RHOU: variants seen among roughly 807,000 people sequenced by gnomAD.
The protein encoded by RHOU is ras homolog family member U.
RHOU carries 8 observed loss-of-function variants against 12.6 expected under a neutral mutation model. The ratio of observed to expected loss-of-function variants is 0.64; its 90% CI spans 0.37 to 1.15. The LOEUF (loss-of-function observed/expected upper bound fraction) is 1.15, where lower values mean the gene tolerates loss of function less well. RHOU is among the 50% of genes most tolerant of loss of function. RHOU has a pLI of 0.01. For synonymous variants in RHOU, 161 were observed against 147.4 expected (o/e 1.09, Z -0.67); for missense variants, 258 against 347.0 (o/e 0.74, Z 2.04).
the RHOU span, among the ~76,000 whole-genome samples, chr1:228,654,727 G>A: frequency 6.6e-6 from 1 of 152,186 alleles, no homozygotes; most frequent in Non-Finnish European, 1.5e-5. Context: ...AGTGCACCTA[G>A]TGGGTAACTT....
At chr1:228,733,732 A>C (rs1662539827), upstream of RHOU, among the ~76,000 whole-genome samples, 1 of 152,228 alleles carries the variant, frequency 6.6e-6, no homozygotes, top group Non-Finnish European at 1.5e-5. Context: ...TAAGGGCACC[A>C]ATGTGACTCT....
the RHOU span, among the ~76,000 whole-genome samples, chr1:228,707,252 TA>T: frequency 3.4e-4 from 26 of 77,138 alleles, 1 homozygote; most frequent in East Asian, 2.9e-3. Flanking sequence ...TATATATATA[TA>T]TAGTGTGTGT....
chr1:228,725,910 C>A, the RHOU span, among the ~76,000 whole-genome samples: 1 of 152,256 alleles, frequency 6.6e-6, no homozygotes, highest in Non-Finnish European at 1.5e-5. Context: ...CAGGCACATG[C>A]ATAAAAATGA....
intron 2 of RHOU, among the ~76,000 whole-genome samples, chr1:228,740,075 A>AG (rs1662690814): frequency 6.6e-6 from 1 of 152,268 alleles, no homozygotes; most frequent in African/African-American, 2.4e-5. Flanking sequence ...GAGTTTTGAA[A>AG]GACAAATAGG....
chr1:228,699,630 A>G, the RHOU span, among the ~76,000 whole-genome samples: 142 of 148,200 alleles, frequency 9.6e-4, no homozygotes, highest in Middle Eastern at 0.01. Context: ...AAAACCTTTG[A>G]TCAAGGCAAT....
chr1:228,726,003 T>A, the RHOU span, among the ~76,000 whole-genome samples: 44 of 152,340 alleles, frequency 2.9e-4, no homozygotes, highest in African/African-American at 9.4e-4. Context: ...TTAATAAATA[T>A]AAATAATAGC....
the RHOU span, among the ~76,000 whole-genome samples, chr1:228,662,572 A>G: frequency 2.0e-5 from 3 of 151,980 alleles, no homozygotes; most frequent in African/African-American, 4.8e-5. Context: ...TGAGCAAACT[A>G]TCACGAGGAC....
chr1:228,647,609 T>A, the RHOU span, among the ~76,000 whole-genome samples: 1 of 152,142 alleles, frequency 6.6e-6, no homozygotes, highest in Non-Finnish European at 1.5e-5. Flanking sequence ...CTGCGCCGGA[T>A]GAGTGAATTG....
upstream of RHOU, among the ~76,000 whole-genome samples, chr1:228,733,903 A>G (rs1294911709): frequency 1.3e-5 from 2 of 152,168 alleles, no homozygotes; most frequent in Non-Finnish European, 2.9e-5. Flanking sequence ...AAAACTTAAC[A>G]TTGGCACTTG....
the RHOU span, among the ~76,000 whole-genome samples, chr1:228,707,233 ATG>A: frequency 2.2e-3 from 90 of 41,432 alleles, no homozygotes; most frequent in Non-Finnish European, 2.7e-3. Context: ...ATATATACAT[ATG>A]TATATATATA....
chr1:228,676,131 G>GCCC, the RHOU span, among the ~76,000 whole-genome samples: 84 of 146,406 alleles, frequency 5.7e-4, no homozygotes, highest in African/African-American at 1.6e-3. Context: ...TGCTGTAACC[G>GCCC]CCCCCCCCCT....
At chr1:228,648,583 AC>A in the RHOU span, among the ~76,000 whole-genome samples, 1 of 152,080 alleles carries the variant, frequency 6.6e-6, no homozygotes, top group Non-Finnish European at 1.5e-5. Flanking sequence ...TAAAATTTCA[AC>A]CATGTTCTGA....
the RHOU span, among the ~76,000 whole-genome samples, chr1:228,663,625 CTTTTTTTT>C: frequency 1.0e-4 from 6 of 58,766 alleles, no homozygotes; most frequent in South Asian, 6.5e-4. Context: ...CTTTTCTTTT[CTTTTTTTT>C]TTTTTTTTTT....
the RHOU span, among the ~76,000 whole-genome samples, chr1:228,659,379 A>AAAAAC: frequency 7.9e-5 from 12 of 152,108 alleles, no homozygotes; most frequent in South Asian, 2.1e-4. Context: ...ACTCCATCTC[A>AAAAAC]AAAACAAAAC....
At chr1:228,662,577 G>A in the RHOU span, among the ~76,000 whole-genome samples, 1 of 150,540 alleles carries the variant, frequency 6.6e-6, no homozygotes, top group African/African-American at 2.4e-5. Flanking sequence ...AAACTATCAC[G>A]AGGACAGAAA....
the RHOU span, among the ~76,000 whole-genome samples, chr1:228,715,270 T>TAATCATATTTC: frequency 6.6e-6 from 1 of 152,156 alleles, no homozygotes; most frequent in African/African-American, 2.4e-5. Context: ...CTGCTTTAAA[T>TAATCATATTTC]AATCATATTT....
At chr1:228,709,568 A>G in the RHOU span, among the ~76,000 whole-genome samples, 2 of 147,718 alleles carry the variant, frequency 1.4e-5, no homozygotes, top group African/African-American at 5.0e-5. Flanking sequence ...TACTGGGTAC[A>G]TAACGAAATG....
the RHOU span, among the ~76,000 whole-genome samples, chr1:228,723,619 G>A: frequency 1.3e-5 from 2 of 152,196 alleles, no homozygotes; most frequent in East Asian, 3.8e-4. Context: ...AAAGGTTGCC[G>A]TCAGGCTCTA....
the RHOU span, among the ~76,000 whole-genome samples, chr1:228,703,327 C>A: frequency 6.6e-6 from 1 of 151,974 alleles, no homozygotes; most frequent in Admixed American, 6.6e-5. Flanking sequence ...GAGATCGAGA[C>A]CATCCTGGCT....
Sources: allele counts gnomAD v4.1 joint callset (sites outside exome capture counted in the v4.1 genomes callset), GRCh38; gene constraint gnomAD v4.1.1; transcripts MANE v1.5; gene names NCBI Gene and HGNC (gene_info 2026-07-23, HGNC 2026-07-21).